CHODL: variants seen among roughly 807,000 people sequenced by gnomAD.
CHODL encodes the protein transmembrane protein MT75.
A neutral mutation model predicts 34.5 loss-of-function variants in CHODL; 29 were observed. The ratio of observed to expected loss-of-function variants is 0.84; its 90% CI spans 0.63 to 1.15. CHODL has a LOEUF of 1.15. Ranked by LOEUF, CHODL falls within the 50% of genes most tolerant of loss-of-function variation. The probability of loss-of-function intolerance (pLI) is 0.00; values close to 1 mark genes in which losing one functional copy is unlikely to be tolerated. For synonymous variants in CHODL, 125 were observed against 116.1 expected (o/e 1.08, Z -0.49); for missense variants, 332 against 332.5 (o/e 1.00, Z 0.01).
At chr21:17,935,207 G>A (rs1476350640) in intron 1 of CHODL, among the ~76,000 whole-genome samples, 3 of 152,136 alleles carry the variant, frequency 2.0e-5, no homozygotes, top group Non-Finnish European at 4.4e-5. Flanking sequence ...GGCAGGTACT[G>A]TTATAAGGAC....
At chr21:18,075,610 T>A (rs1447393687) in intron 2 of CHODL, among the ~76,000 whole-genome samples, 1 of 152,196 alleles carries the variant, frequency 6.6e-6, no homozygotes, top group African/African-American at 2.4e-5. Context: ...TACGGAAAAC[T>A]GGTACATGGT....
intron 1 of CHODL, among the ~76,000 whole-genome samples, chr21:18,021,292 A>G (rs1410242794): frequency 6.6e-6 from 1 of 152,176 alleles, no homozygotes; most frequent in Non-Finnish European, 1.5e-5. Flanking sequence ...AAGCGTGTGT[A>G]ATTCTTGAGG....
intron 2 of CHODL, among the ~76,000 whole-genome samples, chr21:18,192,383 G>A (rs2073521201): frequency 6.6e-6 from 1 of 152,124 alleles, no homozygotes. Context: ...GAACAAGGAA[G>A]AAAATCACTT....
intron 2 of CHODL, among the ~76,000 whole-genome samples, chr21:18,121,138 T>C (rs1352531321): frequency 6.6e-6 from 1 of 152,158 alleles, no homozygotes; most frequent in Non-Finnish European, 1.5e-5. Context: ...CTACACATTC[T>C]CTTGTGATTT....
At chr21:17,943,163 T>G (rs571969831) in intron 1 of CHODL, among the ~76,000 whole-genome samples, 1 of 152,322 alleles carries the variant, frequency 6.6e-6, no homozygotes, top group South Asian at 2.1e-4. Context: ...TTGATTAAAG[T>G]CCATAGTAAG....
At chr21:17,979,478 A>G (rs545626900) in intron 1 of CHODL, among the ~76,000 whole-genome samples, 2 of 152,320 alleles carry the variant, frequency 1.3e-5, no homozygotes, top group South Asian at 2.1e-4. Flanking sequence ...CTTTTCAAGT[A>G]TAATTAAATG....
At chr21:18,043,510 C>CA (rs1212987646) in intron 2 of CHODL, among the ~76,000 whole-genome samples, 1 of 151,902 alleles carries the variant, frequency 6.6e-6, no homozygotes, top group Non-Finnish European at 1.5e-5. Context: ...CAGAGAGACT[C>CA]AAAGTGTGTT....
At chr21:18,183,086 CCTTTTAA>C (rs768212128) in intron 2 of CHODL, among the ~76,000 whole-genome samples, 2 of 152,168 alleles carry the variant, frequency 1.3e-5, no homozygotes, top group African/African-American at 2.4e-5. Flanking sequence ...AAACCTCATT[CCTTTTAA>C]AATACACTTT....
At chr21:18,100,379 G>A (rs1269585458) in intron 2 of CHODL, among the ~76,000 whole-genome samples, 1 of 152,034 alleles carries the variant, frequency 6.6e-6, no homozygotes, top group Non-Finnish European at 1.5e-5. Context: ...TGTGGTTGGT[G>A]GAGTAAATAA....
rs375966000 is a variant in CHODL at position 18,213,108 on chromosome 21, T to C, written c.-44-43401T>C. ...TCCAAATCTGACATATGAACAATTC[T>C]TCTTTCAGCATATGTTACTGGAATT... On this transcript the variant is annotated intron_variant, in intron 2 of 6. Coordinates refer to the CHODL transcript ENST00000400127. Among the ~76,000 whole-genome samples, 18 of 152,282 alleles carry C rather than the reference T, an allele frequency of 1.2e-4. No homozygotes were observed. In the South Asian group the frequency reaches 3.5e-3, roughly 30 times the overall value.
rs1299761049 is a variant in CHODL at position 18,168,983 on chromosome 21, A to G, written c.-44-87526A>G. Among the ~76,000 whole-genome samples the G allele has an allele frequency of 2.6e-5, 4 of 152,152 alleles. No individual in the cohort carries two copies. The East Asian group carries it at 7.7e-4, about 29-fold the overall frequency. Reference sequence around the variant, plus strand: ...TTCAACTTCTTTCTTTTACTTGTGGATATCTAGTTGTTCTAGTCTTTGGTG... The same window carrying G: ...TTCAACTTCTTTCTTTTACTTGTGGGTATCTAGTTGTTCTAGTCTTTGGTG... On this transcript the variant is annotated intron_variant, in intron 2 of 6. Coordinates refer to the CHODL transcript ENST00000400127.
At chr21:18,024,791 A>G (rs1466845671) in intron 1 of CHODL, 1 of 152,200 alleles carries the variant, frequency 6.6e-6, no homozygotes, top group African/African-American at 2.4e-5. Flanking sequence ...ATGGGAGTTT[A>G]TTTGGCTAAT....
chr21:18,227,060 G>A (rs919967759), intron 2 of CHODL, among the ~76,000 whole-genome samples: 1 of 152,144 alleles, frequency 6.6e-6, no homozygotes, highest in African/African-American at 2.4e-5. Flanking sequence ...TCTGGTTAGG[G>A]CCCATATTCT....
At chr21:18,136,105 C>CAAAAAAAAAAAAAAAAAAAAAAAAAA in intron 2 of CHODL, among the ~76,000 whole-genome samples, 1 of 89,468 alleles carries the variant, frequency 1.1e-5, no homozygotes, top group Non-Finnish European at 2.1e-5. Context: ...GATTATGTCT[C>CAAAAAAAAAAAAAAAAAAAAAAAAAA]AAAAAAAAAA....
At chr21:17,970,574 T>C (rs1185720873) in intron 1 of CHODL, among the ~76,000 whole-genome samples, 6 of 152,200 alleles carry the variant, frequency 3.9e-5, no homozygotes, top group Non-Finnish European at 8.8e-5. Flanking sequence ...TGAGACATCA[T>C]TACTATGCAT....
chr21:18,265,231 G>GTGTGTATATATATATGTGTATATATA (rs1395626745), intron 5 of CHODL, among the ~76,000 whole-genome samples: 1 of 143,484 alleles, frequency 7.0e-6, no homozygotes, highest in Non-Finnish European at 1.5e-5. Flanking sequence ...ATATATATAT[G>GTGTGTATATATATATGTGTATATATA]TGTGTATATA....
intron 1 of CHODL, among the ~76,000 whole-genome samples, chr21:18,247,213 A>T (rs969565389): frequency 2.0e-5 from 3 of 152,104 alleles, no homozygotes; most frequent in Non-Finnish European, 4.4e-5. Flanking sequence ...GGTCAATGTA[A>T]GTTTTGAATT....
upstream of CHODL, among the ~76,000 whole-genome samples, chr21:18,241,541 A>G (rs1005465281): frequency 1.3e-5 from 2 of 152,194 alleles, no homozygotes; most frequent in African/African-American, 4.8e-5. Context: ...GCGCAAATGA[A>G]TGAAGCCTGC....
intron 1 of CHODL, among the ~76,000 whole-genome samples, chr21:17,926,949 C>G (rs1382984306): frequency 6.6e-6 from 1 of 151,712 alleles, no homozygotes; most frequent in Non-Finnish European, 1.5e-5. Context: ...ATAATCTATC[C>G]TAGGTAGAAA....
Sources: allele counts gnomAD v4.1 joint callset (sites outside exome capture counted in the v4.1 genomes callset), GRCh38; gene constraint gnomAD v4.1.1; transcripts MANE v1.5; gene names NCBI Gene and HGNC (gene_info 2026-07-23, HGNC 2026-07-21).